The following GRHL2 variants were observed in gnomAD, a reference collection of about 807,000 sequenced individuals.
GRHL2 encodes grainyhead like transcription factor 2.
In GRHL2, 21 loss-of-function variants were observed where a neutral mutation model predicts 83.8. The observed-to-expected ratio is 0.25, with a 90% confidence interval of 0.18 to 0.36. The LOEUF (loss-of-function observed/expected upper bound fraction) is 0.36. Among genes scored for constraint, GRHL2 ranks in the 10% least tolerant of loss-of-function variants. The pLI is 1.00. For missense variants in GRHL2, 623 were observed against 781.8 expected, an observed-to-expected ratio of 0.80 and a Z score of 2.42; for synonymous variants, 280 against 278.9, an observed-to-expected ratio of 1.00 and a Z score of -0.04.
chr8:101,497,071 C>G lies in GRHL2; in HGVS notation c.20+4282C>G, dbSNP rs183876404. ...AAATGATGAACCTTCAGTCTTGTTT[C>G]TTTCCCTGAGTATCACCAGTTTAAT... On this transcript the variant is annotated intron_variant, in intron 1 of 15. Transcript: ENST00000646743. 7.9e-5 allele frequency among the ~76,000 whole-genome samples: 12 copies of G among 152,288 alleles called. No homozygotes were observed. In the South Asian group the frequency reaches 1.5e-3, roughly 18 times the overall value.
intron 12 of GRHL2, among the ~76,000 whole-genome samples, chr8:101,640,303 G>A (rs34328475): frequency 0.12 from 17,533 of 152,032 alleles, 2,163 homozygotes; most frequent in African/African-American, 0.32. Flanking sequence ...CTGACACACA[G>A]AATTTGATTT....
intron 1 of GRHL2, among the ~76,000 whole-genome samples, chr8:101,495,758 A>G (rs533084863): frequency 6.6e-6 from 1 of 152,324 alleles, no homozygotes; most frequent in South Asian, 2.1e-4. Flanking sequence ...GGGGGCTTAC[A>G]CTGTAGTGGA....
At chr8:101,542,679 G>C (rs1187601177) in intron 1 of GRHL2, 1 of 452,584 alleles carries the variant, frequency 2.2e-6, no homozygotes, top group African/African-American at 2.0e-5. Flanking sequence ...CAGAATACCT[G>C]ACCCTGGGTA....
At chr8:101,644,089 C>G in intron 12 of GRHL2, 42 bp from the exon 13 acceptor site, 1 of 1,550,116 alleles carries the variant, frequency 6.5e-7, no homozygotes, top group Non-Finnish European at 8.9e-7. Flanking sequence ...TGTTTTGACA[C>G]CTTGCTGGTT....
intron 1 of GRHL2, among the ~76,000 whole-genome samples, chr8:101,498,901 C>A (rs1235330550): frequency 6.6e-6 from 1 of 151,974 alleles, no homozygotes; most frequent in Non-Finnish European, 1.5e-5. Flanking sequence ...CAGTGAAACC[C>A]CGTCTCTACT....
At chr8:101,620,920 C>A (rs2130372381) in intron 9 of GRHL2, among the ~76,000 whole-genome samples, 1 of 150,848 alleles carries the variant, frequency 6.6e-6, no homozygotes, top group East Asian at 1.9e-4. Context: ...AGACAAAATC[C>A]TGCTTTGGAG....
At chr8:101,621,838 C>T (rs1027561466) in intron 9 of GRHL2, among the ~76,000 whole-genome samples, 9 of 152,014 alleles carry the variant, frequency 5.9e-5, no homozygotes, top group South Asian at 2.1e-4. Flanking sequence ...TTTGAGGTTA[C>T]GGTGACCTAT....
intron 13 of GRHL2, among the ~76,000 whole-genome samples, chr8:101,647,827 A>G (rs1429684342): frequency 6.6e-6 from 1 of 151,630 alleles, no homozygotes; most frequent in Non-Finnish European, 1.5e-5. Flanking sequence ...GCACCCGTGT[A>G]GACTTGGCCT....
chr8:101,654,070 C>T (rs1044274425), intron 14 of GRHL2, among the ~76,000 whole-genome samples: 3 of 152,176 alleles, frequency 2.0e-5, no homozygotes, highest in East Asian at 1.9e-4. Context: ...CGCATCGCAG[C>T]GGATTTTAGG....
At chr8:101,588,374 A>C (rs967791839) in intron 7 of GRHL2, among the ~76,000 whole-genome samples, 1 of 152,228 alleles carries the variant, frequency 6.6e-6, no homozygotes, top group Non-Finnish European at 1.5e-5. Flanking sequence ...ATAATTTCAG[A>C]ATTGATGAAA....
the GRHL2 span, among the ~76,000 whole-genome samples, chr8:101,678,129 C>T: frequency 4.6e-5 from 7 of 152,182 alleles, no homozygotes; most frequent in Non-Finnish European, 1.0e-4. Flanking sequence ...CCAGCGTGAG[C>T]GACGCAGAAG....
chr8:101,601,816 A>G (rs1308102621), intron 8 of GRHL2, among the ~76,000 whole-genome samples: 1 of 152,214 alleles, frequency 6.6e-6, no homozygotes, highest in African/African-American at 2.4e-5. Flanking sequence ...TTTTACTTTA[A>G]GTTCCTGGAT....
chr8:101,605,040 C>T (rs960021450), intron 8 of GRHL2, among the ~76,000 whole-genome samples: 5 of 152,172 alleles, frequency 3.3e-5, no homozygotes, highest in Non-Finnish European at 4.4e-5. Flanking sequence ...TCTGCTTTGC[C>T]AGAGCATCAG....
At chr8:101,623,909 GACAGTACACAGTAGAACAGGTC>G (rs1174522446) in intron 9 of GRHL2, among the ~76,000 whole-genome samples, 49 of 145,916 alleles carry the variant, frequency 3.4e-4, no homozygotes, top group African/African-American at 1.3e-3. Context: ...TACACAGTAG[GACAGTACACAGTAGAACAGGTC>G]ACAGTACACA....
intron 1 of GRHL2, among the ~76,000 whole-genome samples, chr8:101,515,043 ATCCTTCCT>A (rs1171240980): frequency 9.9e-6 from 1 of 101,312 alleles, no homozygotes; most frequent in African/African-American, 3.9e-5. Flanking sequence ...CCTTCCTTCC[ATCCTTCCT>A]TCCTTCCTTC....
At chr8:101,611,078 A>G (rs1812739976) in intron 8 of GRHL2, among the ~76,000 whole-genome samples, 1 of 150,824 alleles carries the variant, frequency 6.6e-6, no homozygotes, top group African/African-American at 2.5e-5. Flanking sequence ...TCAGGTCACA[A>G]TGCTCCTAAA....
intron 14 of GRHL2, among the ~76,000 whole-genome samples, chr8:101,651,962 G>T (rs941497188): frequency 6.6e-6 from 1 of 152,302 alleles, no homozygotes; most frequent in Non-Finnish European, 1.5e-5. Flanking sequence ...ATGCAGTCTG[G>T]AATGACAAAG....
chr8:101,648,263 C>T (rs1044055258), intron 13 of GRHL2, among the ~76,000 whole-genome samples: 4 of 152,136 alleles, frequency 2.6e-5, no homozygotes, highest in Admixed American at 6.5e-5. Context: ...TCTGTGGGAC[C>T]CTGGGGGAGT....
rs773094510 is a variant in GRHL2 at position 101,644,187 on chromosome 8, T to G, written c.1574T>G (p.Val525Gly). 11 of 1,614,140 alleles carry G rather than the reference T, an allele frequency of 6.8e-6. No individual in the cohort carries two copies. Among genetic ancestry groups the G allele is most frequent in the Non-Finnish European group, 4.2e-6 (5 of 1,179,988 alleles). The change falls in exon 13 of 16, where the codon GTG (valine) becomes GGG (glycine). Residue 525 changes from valine (V) to glycine (G), a missense_variant. Coordinates refer to ENST00000646743, the MANE Select transcript of GRHL2 (RefSeq NM_024915.4). The stretch of plus-strand genomic sequence containing the variant: ...CCCATGGAAGAGGAGTTTGGTCCAG[T>G]GCCTTCAAAGCAGATGAAAGAAGAA... The part of the protein sequence containing the change: ...FRPMEEEFGP[V>G]PSKQMKEEGT...
Sources: gnomAD v4.1 joint callset for allele counts (sites outside exome capture counted in the v4.1 genomes callset) on GRCh38, gnomAD v4.1.1 for gene constraint, MANE v1.5 for transcripts, NCBI Gene and HGNC (gene_info 2026-07-23, HGNC 2026-07-21) for gene names.